Variants in THUMPD2 observed in about 807,000 individuals in gnomAD.
THUMPD2 encodes THUMP domain 2 tRNA and snRNA guanosine methyltransferase.
In THUMPD2, 56 loss-of-function variants were observed where a neutral mutation model predicts 49.4. The ratio of observed to expected loss-of-function variants is 1.13; its 90% CI spans 0.91 to 1.41. THUMPD2 has a LOEUF of 1.41. Among genes scored for constraint, THUMPD2 ranks in the 40% most tolerant of loss-of-function variants. THUMPD2 has a pLI of 0.00. For synonymous variants in THUMPD2, 237 were observed against 205.2 expected, an observed-to-expected ratio of 1.15 and a Z score of -1.32; for missense variants, 709 against 594.5, an observed-to-expected ratio of 1.19 and a Z score of -2.00.
intron 9 of THUMPD2, among the ~76,000 whole-genome samples, chr2:39,739,193 C>G (rs537114805): frequency 8.5e-5 from 13 of 152,264 alleles, no homozygotes; most frequent in Non-Finnish European, 1.6e-4. Flanking sequence ...TTGCACTGTA[C>G]TTCAAATACA....
chr2:39,755,630 A>G (rs1016733738), intron 7 of THUMPD2, among the ~76,000 whole-genome samples: 4 of 152,338 alleles, frequency 2.6e-5, no homozygotes, highest in African/African-American at 7.2e-5. Context: ...ACAAGTGTCT[A>G]AAGAATTTGA....
chr2:39,764,564 C>T (rs1334400476), intron 5 of THUMPD2, among the ~76,000 whole-genome samples: 1 of 152,166 alleles, frequency 6.6e-6, no homozygotes, highest in Non-Finnish European at 1.5e-5. Context: ...TCTTTAGGAA[C>T]TTAGGACAAA....
chr2:39,744,457 C>T lies in THUMPD2; in HGVS notation c.1100G>A (p.Ser367Asn), dbSNP rs760626063. The T allele has an allele frequency of 4.4e-6, 7 of 1,578,106 alleles. No individual in the cohort carries two copies. The East Asian group carries it at 1.7e-4, about 37-fold the overall frequency. Residue 367 changes from serine (S) to asparagine (N), a missense_variant, in exon 9 of 10, where the codon AGT becomes AAT. Ser to Asn is a conservative substitution (Grantham distance 46, BLOSUM62 1). Transcript: ENST00000505747. ...AATGTCAGAAATAATAATATCAACA[C>T]TTTCTGAAGGCAATGGCAATTCTGA... is the stretch of plus-strand genomic sequence containing the variant. ...SVIELPLPSE[S>N]VDIIISDIPF...
chr2:39,767,578 T>TG (rs1677706695), intron 4 of THUMPD2, among the ~76,000 whole-genome samples: 1 of 109,608 alleles, frequency 9.1e-6, no homozygotes, highest in African/African-American at 3.9e-5. Flanking sequence ...CACTCCAGCC[T>TG]GGGCGACAGA....
At position 39,769,866 on chromosome 2, in the gene THUMPD2, CAG is replaced by C. The variant is rs1297724773; in HGVS notation, c.514_515del (p.Leu172GlyfsTer8). On this transcript the variant is annotated frameshift_variant, in exon 3 of 10. Transcript: ENST00000505747. LOFTEE classifies it high-confidence loss of function. Reference sequence around the variant, plus strand: ...TTTTAGTGGTAAAATCTCTTTGCTCCAGAGTTTCTTCTTTTATTTGTTTTTCC... The same window carrying C: ...TTTTAGTGGTAAAATCTCTTTGCTCCAGTTTCTTCTTTTATTTGTTTTTCC... ...QLEKQIKEET[L>X]EQRDFTTKSE... 15 of 1,605,790 alleles carry C rather than the reference CAG, an allele frequency of 9.3e-6. No individual in the cohort carries two copies. The highest frequency in any genetic ancestry group is 1.7e-4 in the Middle Eastern group (1 of 6,020).
Position 39,755,900 on chromosome 2 carries a change from T to C in THUMPD2, c.952A>G (p.Lys318Glu), listed in dbSNP as rs1454361349. 15 of 1,613,742 alleles carry C rather than the reference T, an allele frequency of 9.3e-6. No homozygotes were observed. Among genetic ancestry groups the C allele is most frequent in the East Asian group, 6.7e-5 (3 of 44,836 alleles). The change falls in exon 7 of 10, where the codon AAA (lysine) becomes GAA (glutamate). Residue 318 changes from lysine (K) to glutamate (E), a missense_variant. Transcript: ENST00000505747. Reference protein sequence around the residue: ...GLGTILLEAAKEWPDVYYVGA... With the variant: ...GLGTILLEAAEEWPDVYYVGA... ...ACTTTAGAACTTACTGGCCATTCTT[T>C]AGCAGCTTCCAAAAGTATTGTTCCA...
intron 8 of THUMPD2, among the ~76,000 whole-genome samples, chr2:39,745,314 G>A: frequency 6.6e-6 from 1 of 152,138 alleles, no homozygotes; most frequent in East Asian, 1.9e-4. Context: ...AAAGTGCTTT[G>A]TAATCTCGGA....
At chr2:39,764,956 T>C (rs1677308828) in intron 5 of THUMPD2, among the ~76,000 whole-genome samples, 1 of 152,216 alleles carries the variant, frequency 6.6e-6, no homozygotes, top group African/African-American at 2.4e-5. Flanking sequence ...GCATGACGTC[T>C]TGAATGTTTC....
intron 8 of THUMPD2, among the ~76,000 whole-genome samples, chr2:39,754,320 A>G (rs1207276757): frequency 6.6e-6 from 1 of 152,196 alleles, no homozygotes; most frequent in Non-Finnish European, 1.5e-5. Flanking sequence ...AAAGGCTTAA[A>G]AATAAAAGTC....
At chr2:39,768,998 G>T in intron 3 of THUMPD2, 1 of 1,304,650 alleles carries the variant, frequency 7.7e-7, no homozygotes, top group Non-Finnish European at 1.0e-6. Context: ...GAGGTCTGGT[G>T]ATGGCAACAG....
chr2:39,754,607 G>C (rs1675852897), intron 8 of THUMPD2, among the ~76,000 whole-genome samples: 1 of 152,122 alleles, frequency 6.6e-6, no homozygotes, highest in South Asian at 2.1e-4. Context: ...ACATATACTG[G>C]GGGAATAAGA....
intron 1 of THUMPD2, among the ~76,000 whole-genome samples, chr2:39,774,645 TG>T (rs1355735172): frequency 3.9e-5 from 6 of 152,210 alleles, no homozygotes; most frequent in Non-Finnish European, 8.8e-5. Flanking sequence ...GAATGAATTT[TG>T]GTGCTTATGA....
At chr2:39,739,931 C>T (rs1404336483) in intron 9 of THUMPD2, among the ~76,000 whole-genome samples, 2 of 152,096 alleles carry the variant, frequency 1.3e-5, no homozygotes, top group Admixed American at 6.5e-5. Context: ...TAACCTTTGA[C>T]CCAGCAATCT....
chr2:39,774,264 A>T (rs149074004), intron 1 of THUMPD2, among the ~76,000 whole-genome samples: 2 of 152,378 alleles, frequency 1.3e-5, no homozygotes, highest in East Asian at 3.9e-4. Flanking sequence ...GTTTTTATCA[A>T]TCTTTCTTAA....
At position 39,769,744 on chromosome 2, in the gene THUMPD2, C is replaced by A. The variant is rs1209654947; in HGVS notation, c.638G>T (p.Cys213Phe). The change falls in exon 3 of 10, where the codon TGC (cysteine) becomes TTC (phenylalanine). Residue 213 changes from cysteine to phenylalanine, a missense_variant. Physicochemically the swap from Cys to Phe is radical, Grantham distance 205. Transcript: ENST00000505747. ...NDLTFRVSCR[C>F]SGTIGKAFTA... The stretch of plus-strand genomic sequence containing the variant: ...GAAGGCCTTTCCAATAGTTCCACTG[C>A]AGCGACAAGATACTCTGAAAGTCAA... The A allele has an allele frequency of 4.4e-6, 7 of 1,581,850 alleles. No homozygotes were observed.
intron 1 of THUMPD2, among the ~76,000 whole-genome samples, chr2:39,774,217 CTT>C (rs1164407590): frequency 6.6e-6 from 1 of 152,248 alleles, no homozygotes; most frequent in African/African-American, 2.4e-5. Flanking sequence ...CCTGGAATAA[CTT>C]AACTGGAACA....
intron 1 of THUMPD2, among the ~76,000 whole-genome samples, chr2:39,771,856 C>A (rs923264870): frequency 6.6e-6 from 1 of 152,072 alleles, no homozygotes; most frequent in South Asian, 2.1e-4. Context: ...CAAAAGTAGA[C>A]AAAAGAAAGG....
At chr2:39,768,929 G>T in intron 3 of THUMPD2, 1 of 1,303,150 alleles carries the variant, frequency 7.7e-7, no homozygotes. Flanking sequence ...TTTTAAGGTT[G>T]ATAAAGTATT....
chr2:39,756,172 G>C (rs549295275), intron 6 of THUMPD2, among the ~76,000 whole-genome samples: 1 of 152,104 alleles, frequency 6.6e-6, no homozygotes, highest in Non-Finnish European at 1.5e-5. Context: ...GGATGACCCA[G>C]TAGAAGGAAA....
Sources: gnomAD v4.1 joint callset for allele counts (sites outside exome capture counted in the v4.1 genomes callset) on GRCh38, gnomAD v4.1.1 for gene constraint, MANE v1.5 for transcripts, NCBI Gene and HGNC (gene_info 2026-07-23, HGNC 2026-07-21) for gene names.